The following AGAP1 variants were observed in gnomAD, a reference collection of about 807,000 sequenced individuals.
The protein encoded by AGAP1 is arf-GAP with GTPase, ANK repeat and PH domain-containing protein 1.
In AGAP1, 29 loss-of-function variants were observed where a neutral mutation model predicts 105.3. The observed-to-expected ratio is 0.28, with a 90% CI of 0.21 to 0.38. The LOEUF (loss-of-function observed/expected upper bound fraction) is 0.38. AGAP1 is among the 10% of genes least tolerant of loss of function. The probability of loss-of-function intolerance (pLI) is 1.00; values close to 1 mark genes in which losing one functional copy is unlikely to be tolerated. For synonymous variants in AGAP1, 509 were observed against 485.9 expected (o/e 1.05, Z -0.63); for missense variants, 998 against 1,165.1 (o/e 0.86, Z 2.09).
intron 1 of AGAP1, among the ~76,000 whole-genome samples, chr2:235,619,352 G>T (rs548863559): frequency 3.3e-5 from 5 of 150,560 alleles, no homozygotes; most frequent in East Asian, 2.0e-4. Flanking sequence ...GGGCTGAAGT[G>T]GGGGAGCTGG....
rs1015754879 is a variant in AGAP1, at chr2:235,982,661, G to C, written c.1645+14038G>C. Among the ~76,000 whole-genome samples the C allele has an allele frequency of 2.0e-5, 3 of 152,214 alleles. No homozygotes were observed. The highest frequency in any genetic ancestry group is 4.8e-5 in the African/African-American group (2 of 41,458). ...CTTTTCGAGCAGCACAGAAATACTT[G>C]CCCAGTCCGTTCGTGGAAGGAAAGA... On this transcript the variant is annotated intron_variant, in intron 13 of 17. Coordinates refer to ENST00000304032, the MANE Select transcript of AGAP1 (RefSeq NM_001037131.3). The surrounding 1 kb of genome is among the most constrained non-coding windows in gnomAD (Gnocchi z 4.9).
intron 9 of AGAP1, chr2:235,852,893 A>G: frequency 7.5e-7 from 1 of 1,336,666 alleles, no homozygotes; most frequent in South Asian, 2.2e-5. Flanking sequence ...AGATCGGCCG[A>G]TAGCTTGCAG....
At position 235,660,647 on chromosome 2, in the gene AGAP1, T is replaced by A. The variant is rs900263256; in HGVS notation, c.164-48532T>A. On this transcript the variant is annotated intron_variant, in intron 1 of 17. Coordinates refer to ENST00000304032, the MANE Select transcript of AGAP1 (RefSeq NM_001037131.3). The surrounding 1 kb of genome is among the most constrained non-coding windows in gnomAD (Gnocchi z 5.3). ...GTAGAGTTGAGCTCCATCCTGCTGA[T>A]CCCAGCAGGAGATAGTGGCGAGACT... 1.1e-4 allele frequency among the ~76,000 whole-genome samples: 17 copies of A among 152,048 alleles called. No homozygotes were observed. The highest frequency in any genetic ancestry group is 4.1e-4 in the African/African-American group (17 of 41,392).
In AGAP1 at chr2:235,867,802, T is replaced by C. The variant is rs2049254802; in HGVS notation, c.1051-15543T>C. Among the ~76,000 whole-genome samples, 1 of 152,100 alleles carries C rather than the reference T, an allele frequency of 6.6e-6. No individual in the cohort carries two copies. Among genetic ancestry groups the C allele is most frequent in the Admixed American group, 6.6e-5 (1 of 15,256 alleles). ...CATTTTCCGCATGGAGCTGGTGCCGTGGGGGAAGAATAGGTCACAGCTTGT... is the reference window on the plus strand; with the variant it reads ...CATTTTCCGCATGGAGCTGGTGCCGCGGGGGAAGAATAGGTCACAGCTTGT... On this transcript the variant is annotated intron_variant, in intron 9 of 17. Transcript: ENST00000304032. The surrounding 1 kb of genome is among the most constrained non-coding windows in gnomAD (Gnocchi z 5.4).
In AGAP1 at chr2:235,689,271, C is replaced by T. The variant is rs1177274716; in HGVS notation, c.164-19908C>T. 6.6e-6 allele frequency among the ~76,000 whole-genome samples: 1 copy of T among 152,122 alleles called. No individual in the cohort carries two copies. Among genetic ancestry groups the T allele is most frequent in the Admixed American group, 6.5e-5 (1 of 15,274 alleles). On this transcript the variant is annotated intron_variant, in intron 1 of 17. Transcript: ENST00000304032. The surrounding 1 kb of genome is among the most constrained non-coding windows in gnomAD (Gnocchi z 4.2). ...GGTTCAGGGCACTTTGGAGCTAGAG[C>T]AAGAGCAATGGAGAGAGTGAGGTTG...
chr2:235,893,770 C>T lies in AGAP1; in HGVS notation c.1155+10321C>T, dbSNP rs578170264. On this transcript the variant is annotated intron_variant, in intron 10 of 17. Transcript: ENST00000304032. This position sits in a 1 kb window ranked among gnomAD's most constrained non-coding sequence, Gnocchi z 4.7. ...CACATAGGTATTGCTTAGTACACAC[C>T]GGTCACAGTGACTTGAGTGCCACCA... 3.3e-5 allele frequency among the ~76,000 whole-genome samples: 5 copies of T among 152,260 alleles called. No homozygotes were observed. In the South Asian group the frequency reaches 6.2e-4, roughly 19 times the overall value.
At chr2:235,803,163 G>A (rs1181115170) in intron 8 of AGAP1, among the ~76,000 whole-genome samples, 2 of 148,284 alleles carry the variant, frequency 1.3e-5, no homozygotes, top group African/African-American at 5.0e-5. Context: ...GGTGATGATG[G>A]TTGTGGTTGT....
chr2:235,693,249 G>A (rs1165252637), intron 1 of AGAP1, among the ~76,000 whole-genome samples: 1 of 152,198 alleles, frequency 6.6e-6, no homozygotes, highest in Non-Finnish European at 1.5e-5. Context: ...AAGGGTTCAA[G>A]GGTCCTGAAG....
chr2:236,064,880 T>A (rs2058303724), intron 16 of AGAP1, among the ~76,000 whole-genome samples: 1 of 152,228 alleles, frequency 6.6e-6, no homozygotes. Flanking sequence ...AAAACAAGAA[T>A]AATCACCTGT....
intron 11 of AGAP1, among the ~76,000 whole-genome samples, chr2:235,928,662 G>A (rs2317020): frequency 0.55 from 84,017 of 152,026 alleles, 23,456 homozygotes; most frequent in South Asian, 0.71. Flanking sequence ...CCAGGAGGGG[G>A]TCCCGAGATG....
intron 6 of AGAP1, among the ~76,000 whole-genome samples, chr2:235,795,634 T>G (rs1190830094): frequency 1.3e-5 from 2 of 152,196 alleles, no homozygotes; most frequent in East Asian, 3.9e-4. Context: ...AGGAAGGACA[T>G]AACAGGTAGA....
chr2:235,650,508 C>T (rs145353012), intron 1 of AGAP1, among the ~76,000 whole-genome samples: 7 of 152,248 alleles, frequency 4.6e-5, no homozygotes, highest in South Asian at 2.1e-4. Flanking sequence ...TGAGCATGCT[C>T]TGTTTCAGTT....
At chr2:235,942,259 C>T (rs2053295381) in intron 12 of AGAP1, among the ~76,000 whole-genome samples, 1 of 152,162 alleles carries the variant, frequency 6.6e-6, no homozygotes, top group African/African-American at 2.4e-5. Context: ...TTCCAGGAGT[C>T]CAGTAGCCAC....
rs367702974 is a variant in AGAP1, at chr2:235,847,271, T to A, written c.1051-36074T>A. On this transcript the variant is annotated intron_variant, in intron 9 of 17. Coordinates refer to ENST00000304032, the MANE Select transcript of AGAP1 (RefSeq NM_001037131.3). ...ACTGCTTTAGAAAGGAAACTGGGAC[T>A]GAAAAACGGCCATCTTTTTCATGTA... Among the ~76,000 whole-genome samples the A allele has an allele frequency of 4.6e-5, 7 of 152,362 alleles. 1 individual carries two copies. Among genetic ancestry groups the A allele is most frequent in the African/African-American group, 1.7e-4 (7 of 41,596 alleles).
intron 1 of AGAP1, among the ~76,000 whole-genome samples, chr2:235,648,873 C>T (rs1361967527): frequency 7.5e-5 from 11 of 146,268 alleles, no homozygotes; most frequent in Admixed American, 4.1e-4. Flanking sequence ...AGTGACAAAG[C>T]GAGACTGTCT....
chr2:235,590,942 C>T (rs1164353664), intron 1 of AGAP1, among the ~76,000 whole-genome samples: 6 of 151,412 alleles, frequency 4.0e-5, no homozygotes, highest in Non-Finnish European at 7.4e-5. Flanking sequence ...AGGATGGTCT[C>T]GATCTCCTGA....
rs1559599200 is a variant in AGAP1 at position 235,879,793 on chromosome 2, A to T, written c.1051-3552A>T. Among the ~76,000 whole-genome samples the T allele has an allele frequency of 6.6e-6, 1 of 152,154 alleles. No homozygotes were observed. The highest frequency in any genetic ancestry group is 2.1e-4 in the South Asian group (1 of 4,830). On this transcript the variant is annotated intron_variant, in intron 9 of 17. Transcript: ENST00000304032. The surrounding 1 kb of genome is among the most constrained non-coding windows in gnomAD (Gnocchi z 5.0). Reference sequence around the variant, plus strand: ...AAATAAAATAAAAAATTAGACAGACATGGTGGCATGTGTGTGTAGTCCTAG... The same window carrying T: ...AAATAAAATAAAAAATTAGACAGACTTGGTGGCATGTGTGTGTAGTCCTAG...
chr2:235,530,532 T>G (rs1249287000), intron 1 of AGAP1, among the ~76,000 whole-genome samples: 1 of 152,174 alleles, frequency 6.6e-6, no homozygotes, highest in East Asian at 1.9e-4. Flanking sequence ...AGAATTTGTT[T>G]CCTTGCTTTT....
At chr2:235,532,326 C>G (rs1943071564) in intron 1 of AGAP1, among the ~76,000 whole-genome samples, 2 of 152,342 alleles carry the variant, frequency 1.3e-5, no homozygotes, top group Admixed American at 1.3e-4. Flanking sequence ...AAGTGATCCT[C>G]TCACCTCCAC....
Sources: gnomAD v4.1 joint callset for allele counts (sites outside exome capture counted in the v4.1 genomes callset) on GRCh38, gnomAD v4.1.1 for gene constraint, Gnocchi (gnomAD v3.1) non-coding constraint, MANE v1.5 for transcripts, NCBI Gene and HGNC (gene_info 2026-07-23, HGNC 2026-07-21) for gene names.